CTNNA2: variants seen among roughly 807,000 people sequenced by gnomAD.
CTNNA2 encodes the protein catenin alpha 2.
In CTNNA2, 42 loss-of-function variants were observed where a neutral mutation model predicts 101.0. The ratio of observed to expected loss-of-function variants is 0.42; its 90% CI spans 0.32 to 0.54. The LOEUF (loss-of-function observed/expected upper bound fraction) is 0.54. Among genes scored for constraint, CTNNA2 ranks in the 20% least tolerant of loss-of-function variants. The probability of loss-of-function intolerance (pLI) is 0.14; values close to 1 mark genes in which losing one functional copy is unlikely to be tolerated. For missense variants in CTNNA2, 871 were observed against 1,223.1 expected (o/e 0.71, Z 4.29); for synonymous variants, 450 against 456.4 (o/e 0.99, Z 0.18).
At chr2:80,196,452 A>G (rs1207417144) in intron 7 of CTNNA2, among the ~76,000 whole-genome samples, 3 of 152,194 alleles carry the variant, frequency 2.0e-5, no homozygotes, top group African/African-American at 7.2e-5. Flanking sequence ...AGAAACTTGC[A>G]TGTCACAACT....
intron 2 of CTNNA2, among the ~76,000 whole-genome samples, chr2:79,742,281 C>G (rs942541767): frequency 1.3e-5 from 2 of 151,998 alleles, no homozygotes. Context: ...GCTTCTACTC[C>G]TTTGAAATGT....
chr2:79,815,183 A>G (rs1390511833), intron 3 of CTNNA2, among the ~76,000 whole-genome samples: 1 of 152,062 alleles, frequency 6.6e-6, no homozygotes, highest in Non-Finnish European at 1.5e-5. Context: ...TCTTTGTCAG[A>G]TGTATAGATT....
At chr2:79,736,973 C>T (rs1298920393) in intron 2 of CTNNA2, among the ~76,000 whole-genome samples, 1 of 152,164 alleles carries the variant, frequency 6.6e-6, no homozygotes, top group Non-Finnish European at 1.5e-5. Context: ...CACCAAAAGA[C>T]GGTGAATTGA....
At chr2:79,475,789 T>G (rs1671044335) in intron 4 of CTNNA2, among the ~76,000 whole-genome samples, 1 of 152,162 alleles carries the variant, frequency 6.6e-6, no homozygotes, top group Non-Finnish European at 1.5e-5. Flanking sequence ...TCAGATAGAA[T>G]GTTAACAGGC....
chr2:80,167,974 G>A (rs997023985), intron 7 of CTNNA2, among the ~76,000 whole-genome samples: 27 of 152,170 alleles, frequency 1.8e-4, no homozygotes, highest in African/African-American at 6.5e-4. Flanking sequence ...GTATTTGTGT[G>A]CTCACTTTAC....
chr2:79,200,351 T>A (rs1365816908), intron 2 of CTNNA2, among the ~76,000 whole-genome samples: 2 of 149,750 alleles, frequency 1.3e-5, no homozygotes, highest in East Asian at 3.9e-4. Context: ...GCCACTGCAC[T>A]GCAGCCTGGG....
intron 7 of CTNNA2, among the ~76,000 whole-genome samples, chr2:80,314,579 C>T (rs1199932211): frequency 6.6e-6 from 1 of 152,112 alleles, no homozygotes; most frequent in Non-Finnish European, 1.5e-5. Flanking sequence ...ATGGTTGATC[C>T]TGATAGATTT....
At chr2:79,975,735 G>C (rs184503276) in intron 7 of CTNNA2, among the ~76,000 whole-genome samples, 1 of 152,238 alleles carries the variant, frequency 6.6e-6, no homozygotes, top group South Asian at 2.1e-4. Context: ...GAATAACCAG[G>C]TGGAAGACAT....
chr2:80,043,079 CTT>C (rs58087408), intron 7 of CTNNA2, among the ~76,000 whole-genome samples: 2 of 34,514 alleles, frequency 5.8e-5, no homozygotes, highest in South Asian at 1.3e-3. Context: ...TTCTTTCTTT[CTT>C]TCTTTCTTTC....
At chr2:79,657,988 T>C (rs1159418) in intron 2 of CTNNA2, among the ~76,000 whole-genome samples, 38,060 of 151,664 alleles carry the variant, frequency 0.25, 5,410 homozygotes, top group East Asian at 0.5. Context: ...TTACAAGTAA[T>C]ATGAAAATGA....
At chr2:79,903,870 G>A (rs896174796) in intron 6 of CTNNA2, among the ~76,000 whole-genome samples, 2 of 152,186 alleles carry the variant, frequency 1.3e-5, no homozygotes, top group Non-Finnish European at 2.9e-5. Context: ...GGGGTCAAGT[G>A]CAGCCTACAC....
At chr2:80,205,031 G>T (rs972954239) in intron 7 of CTNNA2, among the ~76,000 whole-genome samples, 2 of 152,036 alleles carry the variant, frequency 1.3e-5, no homozygotes, top group African/African-American at 4.8e-5. Context: ...AGAAAGACCT[G>T]CCCCCATAAT....
intron 1 of CTNNA2, among the ~76,000 whole-genome samples, chr2:79,191,346 T>C (rs1420021891): frequency 6.6e-6 from 1 of 152,232 alleles, no homozygotes; most frequent in Non-Finnish European, 1.5e-5. Flanking sequence ...ATCATCTGTC[T>C]TCATCTGACA....
At chr2:80,247,084 T>G (rs1178166366) in intron 7 of CTNNA2, among the ~76,000 whole-genome samples, 1 of 152,132 alleles carries the variant, frequency 6.6e-6, no homozygotes, top group Non-Finnish European at 1.5e-5. Context: ...GAAGAAGTAG[T>G]AAAAATGAGA....
chr2:79,975,430 A>C (rs1690768215), intron 7 of CTNNA2, among the ~76,000 whole-genome samples: 1 of 152,132 alleles, frequency 6.6e-6, no homozygotes, highest in African/African-American at 2.4e-5. Context: ...TCAATTTTGC[A>C]GCAGATTCTT....
intron 1 of CTNNA2, among the ~76,000 whole-genome samples, chr2:79,592,378 C>T (rs545433661): frequency 2.9e-4 from 44 of 151,944 alleles, no homozygotes; most frequent in African/African-American, 8.2e-4. Flanking sequence ...GTGATCCACC[C>T]GCCTTGGCCT....
At chr2:80,309,011 C>T (rs559190169) in intron 7 of CTNNA2, among the ~76,000 whole-genome samples, 9 of 151,938 alleles carry the variant, frequency 5.9e-5, no homozygotes, top group African/African-American at 7.3e-5. Context: ...ATCACTTGAA[C>T]CTGGGAGGTG....
chr2:79,630,112 G>T (rs969207125), intron 1 of CTNNA2, among the ~76,000 whole-genome samples: 6 of 152,174 alleles, frequency 3.9e-5, no homozygotes, highest in African/African-American at 1.4e-4. Flanking sequence ...CACACTTAAC[G>T]TACCCTGCTT....
intron 5 of CTNNA2, among the ~76,000 whole-genome samples, chr2:79,507,439 C>T (rs1441810039): frequency 6.6e-6 from 1 of 152,018 alleles, no homozygotes; most frequent in Non-Finnish European, 1.5e-5. Flanking sequence ...GAGAATTCAG[C>T]CCCCTTCCTC....
Sources: allele counts gnomAD v4.1 joint callset (sites outside exome capture counted in the v4.1 genomes callset), GRCh38; gene constraint gnomAD v4.1.1; transcripts MANE v1.5; gene names NCBI Gene and HGNC (gene_info 2026-07-23, HGNC 2026-07-21).